The following FER variants were observed in gnomAD, a reference collection of about 807,000 sequenced individuals.
FER encodes the protein FER tyrosine kinase.
A neutral mutation model predicts 111.0 loss-of-function variants in FER; 63 were observed. The observed-to-expected ratio is 0.57, with a 90% CI of 0.46 to 0.70. The LOEUF (loss-of-function observed/expected upper bound fraction) is 0.70, where lower values mean the gene tolerates loss of function less well. Ranked by LOEUF, FER falls within the 30% of genes least tolerant of loss-of-function variation. The pLI is 0.00. For synonymous variants in FER, 327 were observed against 313.9 expected (o/e 1.04, Z -0.44); for missense variants, 914 against 954.0 (o/e 0.96, Z 0.55).
At chr5:108,914,453 G>A (rs943405973) in intron 10 of FER, among the ~76,000 whole-genome samples, 4 of 151,974 alleles carry the variant, frequency 2.6e-5, no homozygotes, top group Admixed American at 2.6e-4. Flanking sequence ...ACTATAGTTC[G>A]CTATTATTTT....
intron 2 of FER, among the ~76,000 whole-genome samples, chr5:108,770,500 A>G (rs1448138813): frequency 6.6e-6 from 1 of 152,168 alleles, no homozygotes; most frequent in Non-Finnish European, 1.5e-5. Flanking sequence ...TATGGGACAG[A>G]GTCTCGCTGT....
intron 5 of FER, among the ~76,000 whole-genome samples, chr5:108,862,380 C>G (rs945123518): frequency 6.6e-6 from 1 of 152,062 alleles, no homozygotes. Flanking sequence ...TCATTTTACA[C>G]CAGCTAGAAA....
chr5:108,828,492 AATT>A (rs1759705383), intron 3 of FER, among the ~76,000 whole-genome samples: 1 of 152,178 alleles, frequency 6.6e-6, no homozygotes, highest in Admixed American at 6.5e-5. Context: ...AGTAAAATTA[AATT>A]ATTATCACTT....
intron 2 of FER, among the ~76,000 whole-genome samples, chr5:108,788,025 G>A (rs548786094): frequency 5.3e-5 from 8 of 152,298 alleles, no homozygotes; most frequent in South Asian, 4.1e-4. Flanking sequence ...ACTACGCTGC[G>A]TGCAACGAGA....
intron 5 of FER, among the ~76,000 whole-genome samples, chr5:108,846,369 G>T (rs1762024862): frequency 6.6e-6 from 1 of 151,940 alleles, no homozygotes; most frequent in African/African-American, 2.4e-5. Flanking sequence ...GAGCCTAGGA[G>T]TACGAAGTTA....
chr5:109,109,717 T>C (rs959253173), intron 17 of FER, among the ~76,000 whole-genome samples: 2 of 152,108 alleles, frequency 1.3e-5, no homozygotes, highest in Non-Finnish European at 2.9e-5. Context: ...GTTGTCTGTT[T>C]AGCTGAAGAT....
intron 14 of FER, among the ~76,000 whole-genome samples, chr5:109,040,160 G>A (rs555920151): frequency 6.6e-6 from 1 of 152,188 alleles, no homozygotes; most frequent in African/African-American, 2.4e-5. Context: ...ACTTCCAAGT[G>A]GGGATGATGG....
At position 109,047,185 on chromosome 5, in the gene FER, G is replaced by A; in HGVS notation, c.1911G>A (p.Met637Ile). Residue 637 changes from methionine to isoleucine, a missense_variant, in exon 16 of 20, where the codon ATG (methionine) becomes ATA (isoleucine). Physicochemically the swap from Met to Ile is conservative, Grantham distance 10. Around this residue, in one of 3 missense-constraint regions of FER, gnomAD observed 774 missense variants for 782.6 expected, o/e 0.99. Transcript: ENST00000281092. ...CTQRQPVYIIMELVSGGDFLT... is the reference protein window; with the variant it reads ...CTQRQPVYIIIELVSGGDFLT... ...AAAGACAGCCTGTCTACATCATTAT[G>A]GAACTGGTTTCAGGTAATGTGATCT... 6.3e-7 allele frequency: 1 copy of A among 1,596,690 alleles called. No individual in the cohort carries two copies. Among genetic ancestry groups the A allele is most frequent in the Non-Finnish European group, 8.6e-7 (1 of 1,169,418 alleles).
chr5:109,158,220 A>G (rs973189725), intron 17 of FER, among the ~76,000 whole-genome samples: 30 of 152,096 alleles, frequency 2.0e-4, no homozygotes, highest in African/African-American at 7.0e-4. Flanking sequence ...CTCTACAAAA[A>G]AAATACCAAA....
At chr5:109,041,676 A>C (rs1164282124) in intron 14 of FER, among the ~76,000 whole-genome samples, 1 of 152,192 alleles carries the variant, frequency 6.6e-6, no homozygotes, top group Non-Finnish European at 1.5e-5. Flanking sequence ...GAAATTACAA[A>C]GAATTAGGAC....
At chr5:109,152,652 G>A (rs1345170500) in intron 17 of FER, among the ~76,000 whole-genome samples, 1 of 151,886 alleles carries the variant, frequency 6.6e-6, no homozygotes. Context: ...TGAATTGCAA[G>A]TATTTATAGA....
chr5:108,999,891 T>C (rs1764497200), intron 13 of FER, among the ~76,000 whole-genome samples: 1 of 152,118 alleles, frequency 6.6e-6, no homozygotes, highest in South Asian at 2.1e-4. Flanking sequence ...TTTAGTCTCT[T>C]TTAATAAGTA....
chr5:109,168,709 T>A (rs759922457), intron 17 of FER, among the ~76,000 whole-genome samples: 6 of 152,198 alleles, frequency 3.9e-5, no homozygotes, highest in Non-Finnish European at 7.4e-5. Flanking sequence ...AATGACCATT[T>A]GATGTTTCAC....
At chr5:109,119,356 G>A (rs1750672642) in intron 17 of FER, among the ~76,000 whole-genome samples, 1 of 152,176 alleles carries the variant, frequency 6.6e-6, no homozygotes, top group Non-Finnish European at 1.5e-5. Flanking sequence ...TAGTTTGTTT[G>A]CACTGTGGTC....
At chr5:108,991,453 TGTAA>T (rs201516698) in intron 13 of FER, among the ~76,000 whole-genome samples, 1,598 of 152,216 alleles carry the variant, frequency 0.01, 23 homozygotes, top group African/African-American at 0.036. Context: ...TTTATCCATA[TGTAA>T]GGTTTTATAA....
chr5:108,920,206 A>G (rs910886218), intron 10 of FER, among the ~76,000 whole-genome samples: 3 of 152,126 alleles, frequency 2.0e-5, no homozygotes, highest in African/African-American at 7.2e-5. Context: ...ATAAAATTAA[A>G]TGCATATAGT....
At chr5:108,873,446 G>T (rs910871434) in intron 8 of FER, among the ~76,000 whole-genome samples, 2 of 152,114 alleles carry the variant, frequency 1.3e-5, no homozygotes, top group Non-Finnish European at 2.9e-5. Context: ...TGCCCAGCCA[G>T]GTTTTGGAAT....
intron 13 of FER, among the ~76,000 whole-genome samples, chr5:108,975,974 A>G (rs1015206157): frequency 7.2e-5 from 11 of 152,206 alleles, no homozygotes; most frequent in South Asian, 2.1e-4. Context: ...ATTTCCAAAT[A>G]GATGTGACCT....
intron 13 of FER, among the ~76,000 whole-genome samples, chr5:108,969,025 T>G (rs1053333246): frequency 6.6e-6 from 1 of 152,118 alleles, no homozygotes; most frequent in Non-Finnish European, 1.5e-5. Flanking sequence ...AATAACAGTG[T>G]CTTGACAAAG....
Sources: gnomAD v4.1 joint callset for allele counts (sites outside exome capture counted in the v4.1 genomes callset) on GRCh38, gnomAD v4.1.1 for gene constraint, gnomAD v4.1.1 regional missense constraint, MANE v1.5 for transcripts, NCBI Gene and HGNC (gene_info 2026-07-23, HGNC 2026-07-21) for gene names.